Variants in CXXC1 observed in about 807,000 individuals in gnomAD.
CXXC1 encodes the protein CXXC-type zinc finger protein 1.
Under a neutral mutation model 83.6 loss-of-function variants are expected in CXXC1, and 21 were observed. The ratio of observed to expected loss-of-function variants is 0.25; its 90% CI spans 0.18 to 0.36. The LOEUF (loss-of-function observed/expected upper bound fraction) is 0.36. Ranked by LOEUF, CXXC1 falls within the 10% of genes least tolerant of loss-of-function variation. CXXC1 has a pLI of 1.00. For missense variants in CXXC1, 688 were observed against 919.5 expected, an observed-to-expected ratio of 0.75 and a Z score of 3.26; for synonymous variants, 371 against 337.5, an observed-to-expected ratio of 1.10 and a Z score of -1.09.
Position 50,283,692 on chromosome 18 carries a change from C to G in CXXC1, c.1524+13G>C, listed in dbSNP as rs775691514. 6.2e-7 allele frequency: 1 copy of G among 1,613,880 alleles called. No individual in the cohort carries two copies. Among genetic ancestry groups the G allele is most frequent in the Middle Eastern group, 1.7e-4 (1 of 6,060 alleles). On this transcript the variant is annotated intron_variant, in intron 11 of 14. Transcript: ENST00000285106. ...TTCCCACATGGTCCGCCCCCTCAGT[C>G]TGACACCCCAACCTTGGCGTAGCAG... is the stretch of plus-strand genomic sequence containing the variant.
chr18:50,287,009 A>C, intron 1 of CXXC1, 151 bp from the exon 2 acceptor site: 1 of 633,088 alleles, frequency 1.6e-6, no homozygotes, highest in Non-Finnish European at 2.9e-6. Flanking sequence ...CACAGTCCCC[A>C]CTGACCCCCA....
Position 50,286,823 on chromosome 18 carries a change from G to C in CXXC1, c.39C>G (p.Ala13=). 2 of 1,613,804 alleles carry C rather than the reference G, an allele frequency of 1.2e-6. No individual in the cohort carries two copies. Among genetic ancestry groups the C allele is most frequent in the South Asian group, 1.1e-5 (1 of 91,064 alleles). ...CATTCTCGGACTTGCTGTCCTCCCCGGCATCTGGAGGCTCTGGGTCTGAAC... is the reference window on the plus strand; with the variant it reads ...CATTCTCGGACTTGCTGTCCTCCCCCGCATCTGGAGGCTCTGGGTCTGAAC... The part of the protein sequence containing the change: ...GDGSDPEPPD[A]GEDSKSENGE... The change falls in exon 2 of 15, where the codon GCC becomes GCG. Residue 13 remains alanine, a synonymous_variant. Transcript: ENST00000285106.
At position 50,285,659 on chromosome 18, in the gene CXXC1, C is replaced by A; in HGVS notation, c.639+90G>T. 1 of 1,490,738 alleles carries A rather than the reference C, an allele frequency of 6.7e-7. No homozygotes were observed. Among genetic ancestry groups the A allele is most frequent in the Non-Finnish European group, 9.1e-7 (1 of 1,096,494 alleles). The allele number at this position is 1,490,738 out of a possible 1,614,324, so 92.3% of individuals were successfully genotyped here. A position where few individuals can be genotyped will look rare whatever the true frequency, so the allele number is the denominator to read the frequency against. Reference sequence around the variant, plus strand: ...CAGGATACAGTCAGGCCCAATCCCACCTGGTTTATCCATGCCTAGACTTAA... The same window carrying A: ...CAGGATACAGTCAGGCCCAATCCCAACTGGTTTATCCATGCCTAGACTTAA... On this transcript the variant is annotated intron_variant, in intron 5 of 14. Transcript: ENST00000285106. This position sits in a 1 kb window ranked among gnomAD's most constrained non-coding sequence, Gnocchi z 4.4.
chr18:50,282,620 G>C lies in CXXC1; in HGVS notation c.1944C>G (p.Thr648=), dbSNP rs1473722711. 6.2e-7 allele frequency: 1 copy of C among 1,611,394 alleles called. No homozygotes were observed. Among genetic ancestry groups the C allele is most frequent in the Non-Finnish European group, 8.5e-7 (1 of 1,180,012 alleles). The change falls in exon 15 of 15, where the codon ACC becomes ACG. Residue 648 remains threonine (T), a synonymous_variant. Coordinates refer to ENST00000285106, the MANE Select transcript of CXXC1 (RefSeq NM_014593.4). The surrounding 1 kb of genome is among the most constrained non-coding windows in gnomAD (Gnocchi z 5.8). Reference sequence around the variant, plus strand: ...AGCGGTCGGCACTGGAGCGCAGGTCGGTAGTGAGGGGATCGTGCTGGATCG... The same window carrying C: ...AGCGGTCGGCACTGGAGCGCAGGTCCGTAGTGAGGGGATCGTGCTGGATCG... ...HQTIQHDPLT[T]DLRSSADR is the part of the protein sequence containing the mutation.
rs745405882 is a variant in CXXC1, at chr18:50,287,611, C to T, written c.-22G>A. 1 of 1,610,518 alleles carries T rather than the reference C, an allele frequency of 6.2e-7. No individual in the cohort carries two copies. Among genetic ancestry groups the T allele is most frequent in the South Asian group, 1.1e-5 (1 of 91,078 alleles). ...CCATATCTCCGCTCCCGGCGCACTC[C>T]CTCACGACCCCCGCCAGCGACCCGC... is the stretch of plus-strand genomic sequence containing the variant. On this transcript the variant is annotated 5_prime_UTR_variant, in exon 1 of 15. Coordinates refer to ENST00000285106, the MANE Select transcript of CXXC1 (RefSeq NM_014593.4).
intron 3 of CXXC1, 104 bp from the exon 4 acceptor site, chr18:50,286,361 C>A: frequency 8.6e-7 from 1 of 1,157,416 alleles, no homozygotes; most frequent in Non-Finnish European, 1.2e-6. Flanking sequence ...CACCCACCTA[C>A]TCTGCACCCC....
At chr18:50,284,155 T>C (rs1200146259) in intron 9 of CXXC1, 54 bp from the exon 10 acceptor site, 1 of 1,560,916 alleles carries the variant, frequency 6.4e-7, no homozygotes, top group African/African-American at 1.4e-5. Flanking sequence ...TAAGTGAGAA[T>C]GGCAAAATAG....
At chr18:50,284,911 C>T in intron 7 of CXXC1, 72 bp from the exon 8 acceptor site, 1 of 1,612,574 alleles carries the variant, frequency 6.2e-7, no homozygotes, top group East Asian at 2.2e-5. Context: ...TGTCCCATAT[C>T]AGCCTTCCAT....
rs201063621 is a variant in CXXC1 at position 50,285,128 on chromosome 18, C to T, written c.786G>A (p.Ala262=). 42 of 1,614,156 alleles carry T rather than the reference C, an allele frequency of 2.6e-5. No individual in the cohort carries two copies. Among genetic ancestry groups the T allele is most frequent in the East Asian group, 1.1e-4 (5 of 44,876 alleles). The change falls in exon 7 of 15, where the codon GCG becomes GCA. Residue 262 remains alanine, a synonymous_variant. Transcript: ENST00000285106. The surrounding 1 kb of genome is among the most constrained non-coding windows in gnomAD (Gnocchi z 4.4). ...GRIREDEGAV[A]SSTVKEPPEA... is the part of the protein sequence containing the mutation. ...CAGGAGGCTCCTTGACTGTTGATGACGCCACTGCCCCCTCATCTTCACGGA... is the reference window on the plus strand; with the variant it reads ...CAGGAGGCTCCTTGACTGTTGATGATGCCACTGCCCCCTCATCTTCACGGA...
Position 50,283,266 on chromosome 18 carries a change from T to C in CXXC1, c.1670A>G (p.Lys557Arg). The change falls in exon 13 of 15, where the codon AAA (lysine) becomes AGA (arginine). Residue 557 changes from lysine (K) to arginine (R), a missense_variant and splice_region_variant. By Grantham distance (26) the Lys-to-Arg change is conservative. Coordinates refer to ENST00000285106, the MANE Select transcript of CXXC1 (RefSeq NM_014593.4). ...VLCPEHSRDP[K>R]VPADEVCGCP... is the part of the protein sequence containing the mutation. ...GGAGGAGCTGAGGGAAAACCTTACTTTGGGGTCCCGTGAGTGCTCGGGGCA... is the reference window on the plus strand; with the variant it reads ...GGAGGAGCTGAGGGAAAACCTTACTCTGGGGTCCCGTGAGTGCTCGGGGCA... 1.9e-6 allele frequency: 3 copies of C among 1,613,614 alleles called. No homozygotes were observed. The highest frequency in any genetic ancestry group is 2.5e-6 in the Non-Finnish European group (3 of 1,179,718).
intron 1 of CXXC1, chr18:50,287,369 G>A: frequency 1.7e-6 from 1 of 579,624 alleles, no homozygotes; most frequent in Non-Finnish European, 3.1e-6. Flanking sequence ...CCACGGAACT[G>A]CCACACGGAG....
chr18:50,285,425 T>G lies in CXXC1; in HGVS notation c.640-74A>C. 1.3e-6 allele frequency: 2 copies of G among 1,508,960 alleles called. No homozygotes were observed. The highest frequency in any genetic ancestry group is 2.7e-5 in the South Asian group (2 of 75,454). The allele number at this position is 1,508,960 out of a possible 1,614,324, so 93.5% of individuals were successfully genotyped here. ...CGGCCTTGCCCTAGCCCTACCCACC[T>G]GGCCTGGCCTTACCTCCCCAGACAC... On this transcript the variant is annotated intron_variant, in intron 5 of 14. Transcript: ENST00000285106. This position sits in a 1 kb window ranked among gnomAD's most constrained non-coding sequence, Gnocchi z 4.4.
chr18:50,284,474 G>A lies in CXXC1; in HGVS notation c.1109C>T (p.Ala370Val), dbSNP rs769478251. ...HPERADAKDP[A>V]SLPQCLGPGC... Reference sequence around the variant, plus strand: ...GGGCCCCAGGCACTGGGGCAGTGACGCAGGGTCCTTGGCATCAGCCCTCTC... The same window carrying A: ...GGGCCCCAGGCACTGGGGCAGTGACACAGGGTCCTTGGCATCAGCCCTCTC... The change falls in exon 9 of 15, where the codon GCG becomes GTG. Residue 370 changes from alanine (A) to valine (V), a missense_variant. Physicochemically the swap from Ala to Val is moderately conservative, Grantham distance 64. Coordinates refer to ENST00000285106, the MANE Select transcript of CXXC1 (RefSeq NM_014593.4). 34 of 1,609,180 alleles carry A rather than the reference G, an allele frequency of 2.1e-5. No individual in the cohort carries two copies. The highest frequency in any genetic ancestry group is 2.6e-5 in the Non-Finnish European group (31 of 1,177,684).
chr18:50,283,169 A>G (rs2040606302), intron 13 of CXXC1, 96 bp downstream of exon 13: 3 of 1,326,966 alleles, frequency 2.3e-6, no homozygotes, highest in Non-Finnish European at 2.2e-6. Flanking sequence ...GAGAGGAAAA[A>G]GTGAAGGAAA....
In CXXC1 at chr18:50,285,806, C is replaced by T. The variant is rs1470375356; in HGVS notation, c.582G>A (p.Gly194=). 2 of 1,614,032 alleles carry T rather than the reference C, an allele frequency of 1.2e-6. No homozygotes were observed. Among genetic ancestry groups the T allele is most frequent in the Non-Finnish European group, 1.7e-6 (2 of 1,180,056 alleles). The part of the protein sequence containing the change: ...CDFCRDMKKF[G]GPNKIRQKCR... ...ACTTCTGCCGGATCTTGTTGGGGCC[C>T]CCGAACTTCTTCATGTCCCGACAGA... The change falls in exon 5 of 15, where the codon GGG becomes GGA. Residue 194 remains glycine, a synonymous_variant. Coordinates refer to ENST00000285106, the MANE Select transcript of CXXC1 (RefSeq NM_014593.4). This position sits in a 1 kb window ranked among gnomAD's most constrained non-coding sequence, Gnocchi z 4.4.
At position 50,286,053 on chromosome 18, in the gene CXXC1, G is replaced by C. The variant is rs1483448220; in HGVS notation, c.428C>G (p.Ser143Cys). The change falls in exon 4 of 15, where the codon TCT becomes TGT. Residue 143 changes from serine (S) to cysteine (C), a missense_variant. Transcript: ENST00000285106. Reference sequence around the variant, plus strand: ...GGGTGTGGCCACCAAGGGCTGCGGAGAGGATTTGTGGGGCGAAGCAGAGCC... The same window carrying C: ...GGGTGTGGCCACCAAGGGCTGCGGACAGGATTTGTGGGGCGAAGCAGAGCC... ...ARGSASPHKS[S>C]PQPLVATPSQ... is the part of the protein sequence containing the mutation. 1.9e-6 allele frequency: 3 copies of C among 1,613,994 alleles called. No homozygotes were observed. The East Asian group carries it at 6.7e-5, about 36-fold the overall frequency.
intron 3 of CXXC1, 54 bp downstream of exon 3, chr18:50,286,482 GCTC>G (rs2149299957): frequency 5.6e-6 from 8 of 1,436,434 alleles, no homozygotes; most frequent in African/African-American, 1.4e-5. Flanking sequence ...CCCCCTTGTG[GCTC>G]CTCCTCCTCC....
Position 50,285,044 on chromosome 18 carries a change from C to G in CXXC1, c.870G>C (p.Leu290=). ...SDEDLPLDPD[L]YQDFCAGAFD... is the part of the protein sequence containing the mutation. ...AGGCCCCTGCACAGAAGTCCTGATA[C>G]AGGTCAGGATCCAGAGGTAGGTCCT... is the stretch of plus-strand genomic sequence containing the variant. Residue 290 remains leucine (L), a synonymous_variant, in exon 7 of 15, where the codon CTG becomes CTC. Transcript: ENST00000285106. The surrounding 1 kb of genome is among the most constrained non-coding windows in gnomAD (Gnocchi z 4.4). 1 of 1,614,246 alleles carries G rather than the reference C, an allele frequency of 6.2e-7. No homozygotes were observed. The highest frequency in any genetic ancestry group is 8.5e-7 in the Non-Finnish European group (1 of 1,180,034).
At chr18:50,287,034 A>C in intron 1 of CXXC1, 176 bp from the exon 2 acceptor site, 1 of 605,446 alleles carries the variant, frequency 1.7e-6, no homozygotes. Context: ...TTCCTCTGAC[A>C]TCCTATTACT....
Sources: allele counts gnomAD v4.1 joint callset, GRCh38; gene constraint gnomAD v4.1.1; non-coding constraint Gnocchi (gnomAD v3.1); transcripts MANE v1.5; gene names NCBI Gene and HGNC (gene_info 2026-07-23, HGNC 2026-07-21).